The following MEIKIN variants were observed in gnomAD, a reference collection of about 807,000 sequenced individuals.
MEIKIN encodes the protein meiotic kinetochore factor.
At chr5:131,898,790 T>C (rs1381731699) in intron 8 of MEIKIN, among the ~76,000 whole-genome samples, 1 of 152,218 alleles carries the variant, frequency 6.6e-6, no homozygotes. Context: ...AAAAGCACAG[T>C]ATTTGGGCAG....
At chr5:131,933,775 C>A in intron 4 of MEIKIN, 134 bp from the exon 5 acceptor site, 1 of 382,074 alleles carries the variant, frequency 2.6e-6, no homozygotes, top group Admixed American at 4.5e-5. Context: ...CTTCTACATA[C>A]AACTAAAAAG....
chr5:131,853,021 A>C (rs540031392), intron 10 of MEIKIN, among the ~76,000 whole-genome samples: 1 of 152,288 alleles, frequency 6.6e-6, no homozygotes, highest in East Asian at 1.9e-4. Flanking sequence ...GAGGATTAAC[A>C]AAATCCTTTC....
chr5:131,875,140 C>T lies in MEIKIN; in HGVS notation c.774+3838G>A, dbSNP rs186733816. ...TTCAACATAGTGTTGGAAGTTCTGGCCAGGGCAATCAGCCAGGAGAAGGAA... is the reference window on the plus strand; with the variant it reads ...TTCAACATAGTGTTGGAAGTTCTGGTCAGGGCAATCAGCCAGGAGAAGGAA... On this transcript the variant is annotated intron_variant, in intron 9 of 12. Transcript: ENST00000442687. Among the ~76,000 whole-genome samples the T allele has an allele frequency of 1.6e-4, 25 of 152,252 alleles. No homozygotes were observed. The East Asian group carries it at 3.3e-3, about 20-fold the overall frequency.
At chr5:131,899,353 T>C (rs779609291) in intron 8 of MEIKIN, among the ~76,000 whole-genome samples, 1 of 151,374 alleles carries the variant, frequency 6.6e-6, no homozygotes, top group African/African-American at 2.4e-5. Flanking sequence ...CAAAAAATAA[T>C]AAGAAATTAA....
At chr5:131,942,575 G>C (rs1751891024) in intron 4 of MEIKIN, 60 bp downstream of exon 4, 1 of 397,444 alleles carries the variant, frequency 2.5e-6, no homozygotes, top group Admixed American at 4.4e-5. Flanking sequence ...AGATACAGAT[G>C]GATGCTTATG....
At chr5:131,928,605 T>G (rs1386455975) in intron 5 of MEIKIN, among the ~76,000 whole-genome samples, 1 of 152,216 alleles carries the variant, frequency 6.6e-6, no homozygotes, top group Non-Finnish European at 1.5e-5. Context: ...TCAGTTAGTT[T>G]TTAACGTTTT....
At chr5:131,818,921 T>C (rs1749422566) in intron 11 of MEIKIN, 58 bp from the exon 12 acceptor site, 1 of 393,660 alleles carries the variant, frequency 2.5e-6, no homozygotes, top group Non-Finnish European at 4.5e-6. Context: ...ATTTGTATGT[T>C]GCTTTATTTC....
chr5:131,817,426 A>G (rs1389353437), intron 12 of MEIKIN, among the ~76,000 whole-genome samples: 2 of 151,926 alleles, frequency 1.3e-5, no homozygotes, highest in Non-Finnish European at 2.9e-5. Context: ...CCTGGCTAAC[A>G]CGATGAAACC....
intron 9 of MEIKIN, among the ~76,000 whole-genome samples, chr5:131,866,131 T>C (rs924373105): frequency 6.6e-6 from 1 of 152,146 alleles, no homozygotes; most frequent in African/African-American, 2.4e-5. Context: ...GGTAGGAAAA[T>C]CCACTGGAAC....
intron 11 of MEIKIN, among the ~76,000 whole-genome samples, chr5:131,832,148 G>A (rs1464481299): frequency 6.6e-6 from 1 of 152,156 alleles, no homozygotes. Context: ...TTCCGCCTAT[G>A]AGCCTCTAAA....
At position 131,941,142 on chromosome 5, in the gene MEIKIN, CTTTTTTTTTTTTTTTTTT is replaced by C. The variant is rs397999274; in HGVS notation, c.349+1475_349+1492del. On this transcript the variant is annotated intron_variant, in intron 4 of 12. Transcript: ENST00000442687. ...TTGACAATTCCTTCAAGATCTCTTCCTTTTTTTTTTTTTTTTTTTTTTTTTTTTTTTTTGTGACGAAGT... is the reference window on the plus strand; with the variant it reads ...TTGACAATTCCTTCAAGATCTCTTCCTTTTTTTTTTTTTTTGTGACGAAGT... Among the ~76,000 whole-genome samples the C allele has an allele frequency of 1.1e-3, 67 of 59,698 alleles. 2 individuals carry two copies. The highest frequency in any genetic ancestry group is 4.1e-3 in the African/African-American group (54 of 13,108). The allele number at this position is 59,698 out of a possible 152,430, so 39.2% of individuals were successfully genotyped here. A position where few individuals can be genotyped will look rare whatever the true frequency, so the allele number is the denominator to read the frequency against.
At chr5:131,816,300 T>A (rs990995726) in intron 12 of MEIKIN, among the ~76,000 whole-genome samples, 3 of 152,230 alleles carry the variant, frequency 2.0e-5, no homozygotes, top group Admixed American at 6.5e-5. Flanking sequence ...TTCAGTTCAA[T>A]ACTAATCTAA....
chr5:131,828,050 AAATT>A (rs980963972), intron 11 of MEIKIN, among the ~76,000 whole-genome samples: 23 of 152,212 alleles, frequency 1.5e-4, no homozygotes, highest in Non-Finnish European at 2.8e-4. Context: ...AAAAAAAAAA[AAATT>A]AAGATTAGAA....
intron 4 of MEIKIN, among the ~76,000 whole-genome samples, chr5:131,938,527 T>G (rs553105607): frequency 6.6e-6 from 1 of 152,228 alleles, no homozygotes; most frequent in South Asian, 2.1e-4. Context: ...TGGAGTTGTG[T>G]CACCACTGAT....
At chr5:131,874,200 T>A (rs1437278297) in intron 9 of MEIKIN, among the ~76,000 whole-genome samples, 2 of 151,896 alleles carry the variant, frequency 1.3e-5, no homozygotes, top group Non-Finnish European at 2.9e-5. Context: ...AATTAATGAA[T>A]CCAGGAGCTG....
At chr5:131,927,928 G>A (rs978901733) in intron 5 of MEIKIN, among the ~76,000 whole-genome samples, 85 of 152,008 alleles carry the variant, frequency 5.6e-4, no homozygotes, top group Middle Eastern at 3.4e-3. Context: ...GGCGGATCAC[G>A]AGGTCAGGAG....
At chr5:131,860,289 T>G (rs1275392928) in intron 9 of MEIKIN, among the ~76,000 whole-genome samples, 1 of 151,540 alleles carries the variant, frequency 6.6e-6, no homozygotes, top group African/African-American at 2.4e-5. Flanking sequence ...AGTTTTTTTT[T>G]TTTTTTTTGG....
chr5:131,941,040 C>A (rs970771444), intron 4 of MEIKIN, among the ~76,000 whole-genome samples: 2 of 150,124 alleles, frequency 1.3e-5, no homozygotes, highest in Non-Finnish European at 1.5e-5. Context: ...GCACTGGTAG[C>A]TGCCAGAGTT....
intron 11 of MEIKIN, among the ~76,000 whole-genome samples, chr5:131,843,037 G>A (rs1001434848): frequency 6.6e-6 from 1 of 152,234 alleles, no homozygotes; most frequent in Non-Finnish European, 1.5e-5. Context: ...CCATGTGGAA[G>A]CCACCAAGGT....
Sources: allele counts gnomAD v4.1 joint callset (sites outside exome capture counted in the v4.1 genomes callset), GRCh38; gene constraint gnomAD v4.1.1; transcripts MANE v1.5; gene names NCBI Gene and HGNC (gene_info 2026-07-23, HGNC 2026-07-21).